The following ARHGEF10L variants were observed in gnomAD, a reference collection of about 807,000 sequenced individuals.
The protein encoded by ARHGEF10L is rho guanine nucleotide exchange factor 10-like protein.
ARHGEF10L carries 69 observed loss-of-function variants against 141.2 expected under a neutral mutation model. That is an observed-to-expected ratio of 0.49 (90% CI 0.40 to 0.60). ARHGEF10L has a LOEUF of 0.60. Ranked by LOEUF, ARHGEF10L falls within the 20% of genes least tolerant of loss-of-function variation. The pLI, the probability that ARHGEF10L is intolerant of heterozygous loss-of-function variation, is 0.00. For missense variants in ARHGEF10L, 1,482 were observed against 1,734.3 expected, an observed-to-expected ratio of 0.85 and a Z score of 2.58; for synonymous variants, 711 against 718.5, an observed-to-expected ratio of 0.99 and a Z score of 0.17.
intron 4 of ARHGEF10L, among the ~76,000 whole-genome samples, chr1:17,594,162 C>A (rs530863831): frequency 3.0e-4 from 46 of 151,810 alleles, no homozygotes; most frequent in Non-Finnish European, 5.4e-4. Context: ...ATGTACCCAG[C>A]ACTTCTTACA....
At chr1:17,561,528 A>C (rs867316972) in intron 1 of ARHGEF10L, among the ~76,000 whole-genome samples, 33 of 152,050 alleles carry the variant, frequency 2.2e-4, no homozygotes, top group African/African-American at 6.5e-4. Context: ...AGCCTCACAA[A>C]CCCTGACAGC....
At chr1:17,565,553 T>C (rs1304190967) in intron 1 of ARHGEF10L, among the ~76,000 whole-genome samples, 1 of 152,194 alleles carries the variant, frequency 6.6e-6, no homozygotes, top group East Asian at 1.9e-4. Context: ...CCCCCAGGTC[T>C]CCCGAAGGGA....
At chr1:17,538,806 T>C (rs907004907), upstream of ARHGEF10L, among the ~76,000 whole-genome samples, 3 of 152,150 alleles carry the variant, frequency 2.0e-5, no homozygotes, top group African/African-American at 7.2e-5. Context: ...GAACTTATCA[T>C]TATCAACCCA....
Position 17,697,210 on chromosome 1 carries a change from C to T in ARHGEF10L, c.3670C>T (p.Arg1224Trp), listed in dbSNP as rs765807913. Residue 1224 changes from arginine (R) to tryptophan (W), a missense_variant, in exon 29 of 29, where the codon CGG becomes TGG. This residue lies in a region of ARHGEF10L where 858 missense variants were observed against 966.3 expected (regional missense o/e 0.89). Coordinates refer to ENST00000361221, the MANE Select transcript of ARHGEF10L (RefSeq NM_018125.4). This position sits in a 1 kb window ranked among gnomAD's most constrained non-coding sequence, Gnocchi z 4.8. Reference sequence around the variant, plus strand: ...CGACCCCGACATCTGGGTGCGCAGCCGGCCCTGCGCCCGCGACGCCCACCG... The same window carrying T: ...CGACCCCGACATCTGGGTGCGCAGCTGGCCCTGCGCCCGCGACGCCCACCG... ...ADDPDIWVRS[R>W]PCARDAHRKE... The T allele has an allele frequency of 6.2e-6, 10 of 1,612,138 alleles. No individual in the cohort carries two copies. Among genetic ancestry groups the T allele is most frequent in the South Asian group, 1.1e-5 (1 of 91,028 alleles).
chr1:17,594,097 A>G (rs1274065982), intron 4 of ARHGEF10L, among the ~76,000 whole-genome samples: 1 of 151,328 alleles, frequency 6.6e-6, no homozygotes, highest in Non-Finnish European at 1.5e-5. Flanking sequence ...AGGCCATGTT[A>G]TTTTTATGTG....
chr1:17,554,535 T>G (rs1375888976), intron 1 of ARHGEF10L, among the ~76,000 whole-genome samples: 1 of 151,326 alleles, frequency 6.6e-6, no homozygotes, highest in Non-Finnish European at 1.5e-5. Context: ...AAGGGGATTT[T>G]GGGAGGCTGA....
chr1:17,608,310 C>G (rs948279502), intron 7 of ARHGEF10L, among the ~76,000 whole-genome samples: 14 of 152,184 alleles, frequency 9.2e-5, no homozygotes, highest in African/African-American at 3.4e-4. Flanking sequence ...GTCCTCTCAA[C>G]GCCGCACTCC....
chr1:17,602,569 G>T (rs2080793891), intron 5 of ARHGEF10L, among the ~76,000 whole-genome samples: 1 of 152,214 alleles, frequency 6.6e-6, no homozygotes, highest in Non-Finnish European at 1.5e-5. Context: ...CAGAAAGAGA[G>T]GGAGGCAGCA....
chr1:17,653,308 C>A (rs1051064062), intron 22 of ARHGEF10L, among the ~76,000 whole-genome samples: 1 of 152,228 alleles, frequency 6.6e-6, no homozygotes, highest in African/African-American at 2.4e-5. Context: ...GCATAGGGTG[C>A]CTTGACTTCC....
chr1:17,637,793 C>T (rs7521850), intron 18 of ARHGEF10L, 95 bp from the exon 19 acceptor site: 159,099 of 1,176,660 alleles, frequency 0.14, 11,445 homozygotes, highest in Non-Finnish European at 0.15. Context: ...CGTGAGCCAC[C>T]GCGCCCAGCC....
chr1:17,618,460 AC>A, intron 9 of ARHGEF10L: 1 of 1,466,596 alleles, frequency 6.8e-7, no homozygotes, highest in Non-Finnish European at 9.0e-7. Context: ...GGTCTGCACC[AC>A]CCCCACCCCC....
At chr1:17,664,347 G>A in intron 25 of ARHGEF10L, 100 bp from the exon 26 acceptor site, 2 of 1,337,486 alleles carry the variant, frequency 1.5e-6, no homozygotes, top group Non-Finnish European at 1.0e-6. Flanking sequence ...CGGGGAGAGG[G>A]TGTGGGGGGC....
chr1:17,596,817 C>T (rs190667201), intron 4 of ARHGEF10L, among the ~76,000 whole-genome samples: 76 of 152,286 alleles, frequency 5.0e-4, no homozygotes, highest in Non-Finnish European at 9.6e-4. Context: ...TAGGCGGATC[C>T]GAGGCAGGTG....
the ARHGEF10L span, among the ~76,000 whole-genome samples, chr1:17,529,766 G>A: frequency 1.3e-5 from 2 of 152,126 alleles, no homozygotes; most frequent in African/African-American, 2.4e-5. Context: ...AATGATCAGG[G>A]GGTCCCTGGT....
the ARHGEF10L span, among the ~76,000 whole-genome samples, chr1:17,523,497 G>A: frequency 1.3e-5 from 2 of 152,204 alleles, no homozygotes; most frequent in Non-Finnish European, 1.5e-5. Flanking sequence ...CCATTTCACA[G>A]ATGAGGAAGC....
chr1:17,580,753 G>T (rs566155954), intron 2 of ARHGEF10L, 121 bp downstream of exon 2: 5 of 1,204,624 alleles, frequency 4.2e-6, no homozygotes, highest in Non-Finnish European at 4.8e-6. Flanking sequence ...TCTGCTGGCT[G>T]CTGGCCCTGC....
chr1:17,544,291 T>TAA (rs894224766), intron 1 of ARHGEF10L, among the ~76,000 whole-genome samples: 1 of 150,838 alleles, frequency 6.6e-6, no homozygotes, highest in Non-Finnish European at 1.5e-5. Flanking sequence ...TATATATATA[T>TAA]AATAATTTTT....
chr1:17,587,027 T>C (rs1288431954), intron 2 of ARHGEF10L, among the ~76,000 whole-genome samples: 1 of 152,104 alleles, frequency 6.6e-6, no homozygotes, highest in Non-Finnish European at 1.5e-5. Context: ...CCAAATAAAG[T>C]GTAGTGGGAA....
Position 17,621,020 on chromosome 1 carries a change from T to C in ARHGEF10L, c.943-844T>C, listed in dbSNP as rs369976589. 1.7e-4 allele frequency among the ~76,000 whole-genome samples: 25 copies of C among 151,460 alleles called. No individual in the cohort carries two copies. In the East Asian group the frequency reaches 2.1e-3, roughly 13 times the overall value. On this transcript the variant is annotated intron_variant, in intron 10 of 28. Transcript: ENST00000361221. This position sits in a 1 kb window ranked among gnomAD's most constrained non-coding sequence, Gnocchi z 4.1. Reference sequence around the variant, plus strand: ...GGTACTGCAGGCTGCAGCTGAGGGGTTGTGATCCACTCCGTGGGCCAGGCT... The same window carrying C: ...GGTACTGCAGGCTGCAGCTGAGGGGCTGTGATCCACTCCGTGGGCCAGGCT...
Sources: allele counts gnomAD v4.1 joint callset (sites outside exome capture counted in the v4.1 genomes callset), GRCh38; gene constraint gnomAD v4.1.1; regional missense constraint gnomAD v4.1.1; non-coding constraint Gnocchi (gnomAD v3.1); transcripts MANE v1.5; gene names NCBI Gene and HGNC (gene_info 2026-07-23, HGNC 2026-07-21).